TBX21: variants seen among roughly 807,000 people sequenced by gnomAD.
TBX21 encodes the protein T-box transcription factor 21.
In TBX21, 11 loss-of-function variants were observed where a neutral mutation model predicts 52.2. The observed-to-expected ratio is 0.21, with a 90% CI of 0.13 to 0.35. The LOEUF (loss-of-function observed/expected upper bound fraction) is 0.35, where lower values mean the gene tolerates loss of function less well. Ranked by LOEUF, TBX21 falls within the 10% of genes least tolerant of loss-of-function variation. TBX21 has a pLI of 1.00. For synonymous variants in TBX21, 300 were observed against 316.1 expected (o/e 0.95, Z 0.54); for missense variants, 625 against 755.1 (o/e 0.83, Z 2.02).
chr17:47,744,057 A>T, intron 3 of TBX21, 138 bp from the exon 4 acceptor site: 1 of 1,115,378 alleles, frequency 9.0e-7, no homozygotes, highest in Admixed American at 2.6e-5. Flanking sequence ...GGGAAGTTAC[A>T]TGGTGGCAGA....
At chr17:47,743,537 G>A (rs2032291833) in intron 3 of TBX21, among the ~76,000 whole-genome samples, 1 of 152,138 alleles carries the variant, frequency 6.6e-6, no homozygotes, top group Non-Finnish European at 1.5e-5. Flanking sequence ...TTGGCCCTGT[G>A]GTCCCAGGGA....
chr17:47,737,536 G>T (rs546775497), intron 1 of TBX21, among the ~76,000 whole-genome samples: 3 of 151,972 alleles, frequency 2.0e-5, no homozygotes. Flanking sequence ...CCAACTCCAA[G>T]AACTTTAATT....
At chr17:47,740,122 G>C (rs2032251973) in intron 1 of TBX21, among the ~76,000 whole-genome samples, 1 of 151,986 alleles carries the variant, frequency 6.6e-6, no homozygotes, top group Admixed American at 6.5e-5. Flanking sequence ...CTGGAGTGCA[G>C]TGGCGCCATC....
intron 1 of TBX21, among the ~76,000 whole-genome samples, chr17:47,734,554 GGTGTGTGTGTGTGTGT>G (rs55690005): frequency 2.3e-3 from 233 of 102,984 alleles, no homozygotes; most frequent in African/African-American, 5.5e-3. Flanking sequence ...TCATATGTCT[GGTGTGTGTGTGTGTGT>G]GTGTGTGTGT....
At position 47,742,771 on chromosome 17, in the gene TBX21, G is replaced by T; in HGVS notation, c.646+7G>T. The T allele has an allele frequency of 6.4e-7, 1 of 1,558,622 alleles. No homozygotes were observed. Among genetic ancestry groups the T allele is most frequent in the Non-Finnish European group, 8.7e-7 (1 of 1,151,000 alleles). ...GCCGAGGGCAGCATGCCAGGTGCGCGCGCCCCTGGGAGCGGTGGGCTCTGT... is the reference window on the plus strand; with the variant it reads ...GCCGAGGGCAGCATGCCAGGTGCGCTCGCCCCTGGGAGCGGTGGGCTCTGT... On this transcript the variant is annotated splice_region_variant and intron_variant, in intron 2 of 5. Coordinates refer to ENST00000177694, the MANE Select transcript of TBX21 (RefSeq NM_013351.2). This position sits in a 1 kb window ranked among gnomAD's most constrained non-coding sequence, Gnocchi z 4.4.
intron 3 of TBX21, among the ~76,000 whole-genome samples, chr17:47,743,552 A>G (rs1469819424): frequency 6.6e-6 from 1 of 152,152 alleles, no homozygotes; most frequent in Non-Finnish European, 1.5e-5. Context: ...CAGGGAATAG[A>G]TGCCGAGTTT....
chr17:47,733,676 C>G lies in TBX21; in HGVS notation c.222C>G (p.Ala74=), dbSNP rs1323287136. The G allele has an allele frequency of 1.4e-6, 2 of 1,443,280 alleles. No individual in the cohort carries two copies. Among genetic ancestry groups the G allele is most frequent in the African/African-American group, 3.0e-5 (2 of 67,088 alleles). The allele number at this position is 1,443,280 out of a possible 1,614,324, so 89.4% of individuals were successfully genotyped here. A position where few individuals can be genotyped will look rare whatever the true frequency, so the allele number is the denominator to read the frequency against. Residue 74 remains alanine (A), a synonymous_variant, in exon 1 of 6, where the codon GCC becomes GCG. Transcript: ENST00000177694. This position sits in a 1 kb window ranked among gnomAD's most constrained non-coding sequence, Gnocchi z 6.6. ...VPAPPSRFLG[A]YAYPPRPQAA... Reference sequence around the variant, plus strand: ...CCCCGCCGAGCCGCTTCCTTGGAGCCTACGCCTACCCGCCGCGACCCCAGG... The same window carrying G: ...CCCCGCCGAGCCGCTTCCTTGGAGCGTACGCCTACCCGCCGCGACCCCAGG...
rs1289233026 is a variant in TBX21 at position 47,744,244 on chromosome 17, T to C, written c.818T>C (p.Val273Ala). The C allele has an allele frequency of 7.4e-6, 12 of 1,614,056 alleles. No individual in the cohort carries two copies. The highest frequency in any genetic ancestry group is 1.0e-5 in the Non-Finnish European group (12 of 1,180,038). The change falls in exon 4 of 6, where the codon GTT becomes GCT. Residue 273 changes from valine to alanine, a missense_variant. By Grantham distance (64) the Val-to-Ala change is moderately conservative. Around this residue, in one of 4 missense-constraint regions of TBX21, gnomAD observed 142 missense variants for 258.5 expected, o/e 0.55. Coordinates refer to ENST00000177694, the MANE Select transcript of TBX21 (RefSeq NM_013351.2). ...LHKYQPRLHIVEVNDGEPEAA... is the reference protein window; with the variant it reads ...LHKYQPRLHIAEVNDGEPEAA... ...AAGTACCAGCCCCGGCTGCATATCGTTGAGGTGAACGACGGAGAGCCAGAG... is the reference window on the plus strand; with the variant it reads ...AAGTACCAGCCCCGGCTGCATATCGCTGAGGTGAACGACGGAGAGCCAGAG...
At position 47,744,749 on chromosome 17, in the gene TBX21, A is replaced by G. The variant is rs373121994; in HGVS notation, c.991A>G (p.Met331Val). ...TTCTTGCCTTCTATTTTTTTCTAGC[A>G]TGTACACATCTGTTGACACCAGCAT... ...AKGFRENFES[M>V]YTSVDTSIPS... Residue 331 changes from methionine (M) to valine (V), a missense_variant and splice_region_variant, in exon 6 of 6, where the codon ATG (methionine) becomes GTG (valine). Physicochemically the swap from Met to Val is conservative, Grantham distance 21. This residue lies in a region of TBX21 where 261 missense variants were observed against 275.1 expected (regional missense o/e 0.95). Coordinates refer to ENST00000177694, the MANE Select transcript of TBX21 (RefSeq NM_013351.2). 1.2e-6 allele frequency: 2 copies of G among 1,611,946 alleles called. No homozygotes were observed. Among genetic ancestry groups the G allele is most frequent in the Non-Finnish European group, 8.5e-7 (1 of 1,178,818 alleles).
In TBX21 at chr17:47,733,361, C is replaced by A; in HGVS notation, c.-94C>A. 2.2e-6 allele frequency: 3 copies of A among 1,347,466 alleles called. No homozygotes were observed. Among genetic ancestry groups the A allele is most frequent in the Non-Finnish European group, 1.9e-6 (2 of 1,053,122 alleles). 83.5% of individuals were successfully genotyped at this position (1,347,466 alleles called of 1,614,324 possible). ...CCCCACCCGGCCCTCGGGTCCCCCG[C>A]CCCCTGCTCCCTGCCCATCCCAGCC... is the stretch of plus-strand genomic sequence containing the variant. On this transcript the variant is annotated 5_prime_UTR_variant, in exon 1 of 6. Coordinates refer to ENST00000177694, the MANE Select transcript of TBX21 (RefSeq NM_013351.2). This position sits in a 1 kb window ranked among gnomAD's most constrained non-coding sequence, Gnocchi z 6.6.
At position 47,733,530 on chromosome 17, in the gene TBX21, G is replaced by C. The variant is rs1294437607; in HGVS notation, c.76G>C (p.Ala26Pro). The C allele has an allele frequency of 1.3e-6, 2 of 1,491,688 alleles. No individual in the cohort carries two copies. The highest frequency in any genetic ancestry group is 5.9e-5 in the East Asian group (2 of 34,080). 92.4% of individuals were successfully genotyped at this position (1,491,688 alleles called of 1,614,324 possible). ...GATGCCGGGGAGCGACGAGGGCCGG[G>C]CGCCTGGCGCCGACCCGCAGCACCG... ...EPMPGSDEGR[A>P]PGADPQHRYF... The change falls in exon 1 of 6, where the codon GCG becomes CCG. Residue 26 changes from alanine to proline, a missense_variant. Physicochemically the swap from Ala to Pro is conservative, Grantham distance 27 (BLOSUM62 -1). Transcript: ENST00000177694. This position sits in a 1 kb window ranked among gnomAD's most constrained non-coding sequence, Gnocchi z 6.6.
In TBX21 at chr17:47,742,841, C is replaced by T; in HGVS notation, c.646+77C>T. ...CCCTGGTGGGCCCACCAAGCCCCTA[C>T]CCCTAATTCCTAGACCTTTAACCCC... is the stretch of plus-strand genomic sequence containing the variant. On this transcript the variant is annotated intron_variant, in intron 2 of 5. Transcript: ENST00000177694. This position sits in a 1 kb window ranked among gnomAD's most constrained non-coding sequence, Gnocchi z 4.4. The T allele has an allele frequency of 6.7e-7, 1 of 1,491,890 alleles. No homozygotes were observed. The highest frequency in any genetic ancestry group is 1.4e-5 in the African/African-American group (1 of 71,544). The allele number at this position is 1,491,890 out of a possible 1,614,324, so 92.4% of individuals were successfully genotyped here.
Position 47,745,106 on chromosome 17 carries a change from C to G in TBX21, c.1348C>G (p.Pro450Ala), listed in dbSNP as rs201143567. 139 of 1,613,900 alleles carry G rather than the reference C, an allele frequency of 8.6e-5. No individual in the cohort carries two copies. The highest frequency in any genetic ancestry group is 1.1e-4 in the Non-Finnish European group (134 of 1,180,022). The change falls in exon 6 of 6, where the codon CCT becomes GCT. Residue 450 changes from proline to alanine, a missense_variant. By Grantham distance (27) the Pro-to-Ala change is conservative. This residue lies in a region of TBX21 where 261 missense variants were observed against 275.1 expected (regional missense o/e 0.95). Transcript: ENST00000177694. ...GATGGGCCCGGCCAGCTGGTTCCGC[C>G]CTATGCGGACTCTGCCCATGGAACC... ...PKMGPASWFR[P>A]MRTLPMEPGP...
In TBX21 at chr17:47,744,047, G is replaced by A. The variant is rs2032298751; in HGVS notation, c.769-148G>A. The A allele has an allele frequency of 8.8e-6, 9 of 1,018,824 alleles. No homozygotes were observed. The South Asian group carries it at 1.3e-4, about 15-fold the overall frequency. 63.1% of individuals were successfully genotyped at this position (1,018,824 alleles called of 1,614,324 possible). ...CGGACACTGGAGTTGGAAAGCTTGG[G>A]GGAAGTTACATGGTGGCAGAGCAGG... On this transcript the variant is annotated intron_variant, in intron 3 of 5. Transcript: ENST00000177694.
intron 1 of TBX21, among the ~76,000 whole-genome samples, chr17:47,741,506 C>T (rs1226047602): frequency 4.6e-5 from 7 of 152,158 alleles, no homozygotes; most frequent in Non-Finnish European, 1.0e-4. Flanking sequence ...ACATGAGCCC[C>T]GTGTTCAATA....
intron 1 of TBX21, among the ~76,000 whole-genome samples, chr17:47,739,667 G>A (rs888637051): frequency 1.3e-5 from 2 of 151,930 alleles, no homozygotes; most frequent in African/African-American, 2.4e-5. Context: ...GCTGAGGCAG[G>A]AGAATAATGG....
In TBX21 at chr17:47,733,351, G is replaced by T; in HGVS notation, c.-104G>T. The T allele has an allele frequency of 7.5e-7, 1 of 1,331,144 alleles. No individual in the cohort carries two copies. The highest frequency in any genetic ancestry group is 9.6e-7 in the Non-Finnish European group (1 of 1,041,938). The allele number at this position is 1,331,144 out of a possible 1,614,324, so 82.5% of individuals were successfully genotyped here. ...CGGTGGGGTCCCCCACCCGGCCCTC[G>T]GGTCCCCCGCCCCCTGCTCCCTGCC... On this transcript the variant is annotated 5_prime_UTR_variant, in exon 1 of 6. Coordinates refer to ENST00000177694, the MANE Select transcript of TBX21 (RefSeq NM_013351.2). The surrounding 1 kb of genome is among the most constrained non-coding windows in gnomAD (Gnocchi z 6.6).
chr17:47,745,334 G>A lies in TBX21; in HGVS notation c.1576G>A (p.Glu526Lys), dbSNP rs766079205. Residue 526 changes from glutamate to lysine, a missense_variant, in exon 6 of 6, where the codon GAA becomes AAA. Glu to Lys is a moderately conservative substitution (Grantham distance 56). This residue lies in a region of TBX21 where 261 missense variants were observed against 275.1 expected (regional missense o/e 0.95). Coordinates refer to ENST00000177694, the MANE Select transcript of TBX21 (RefSeq NM_013351.2). ...CCCTTCTCCTTTTGATAAGGAAGCTGAAGGACAGTTTTATAACTATTTTCC... is the reference window on the plus strand; with the variant it reads ...CCCTTCTCCTTTTGATAAGGAAGCTAAAGGACAGTTTTATAACTATTTTCC... ...GAPSPFDKEA[E>K]GQFYNYFPN is the part of the protein sequence containing the mutation. The A allele has an allele frequency of 1.2e-6, 2 of 1,609,014 alleles. No homozygotes were observed. The highest frequency in any genetic ancestry group is 1.3e-5 in the African/African-American group (1 of 74,584).
At chr17:47,737,750 C>G (rs1355933960) in intron 1 of TBX21, among the ~76,000 whole-genome samples, 1 of 152,010 alleles carries the variant, frequency 6.6e-6, no homozygotes, top group African/African-American at 2.4e-5. Flanking sequence ...CTCAGCCTCC[C>G]AAGTAGCTGG....
Sources: gnomAD v4.1 joint callset for allele counts (sites outside exome capture counted in the v4.1 genomes callset) on GRCh38, gnomAD v4.1.1 for gene constraint, gnomAD v4.1.1 regional missense constraint, Gnocchi (gnomAD v3.1) non-coding constraint, MANE v1.5 for transcripts, NCBI Gene and HGNC (gene_info 2026-07-23, HGNC 2026-07-21) for gene names.